Variants in GPN2 observed in about 807,000 individuals in gnomAD.
GPN2 encodes GPN-loop GTPase 2.
A neutral mutation model predicts 30.1 loss-of-function variants in GPN2; 27 were observed. The ratio of observed to expected loss-of-function variants is 0.90; its 90% confidence interval spans 0.66 to 1.24. The LOEUF is 1.24. Among genes scored for constraint, GPN2 ranks in the 50% most tolerant of loss-of-function variants. The pLI is 0.00. For missense variants in GPN2, 406 were observed against 405.4 expected (o/e 1.00, Z -0.01); for synonymous variants, 212 against 174.4 (o/e 1.22, Z -1.70).
intron 4 of GPN2, among the ~76,000 whole-genome samples, chr1:26,880,625 A>G (rs2081859704): frequency 6.6e-6 from 1 of 151,988 alleles, no homozygotes; most frequent in Non-Finnish European, 1.5e-5. Context: ...ATAAATTTTT[A>G]TACTTTAAAA....
intron 4 of GPN2, among the ~76,000 whole-genome samples, chr1:26,880,286 C>T (rs954308597): frequency 1.3e-5 from 2 of 152,156 alleles, no homozygotes; most frequent in South Asian, 4.1e-4. Flanking sequence ...AGCACTTAGC[C>T]CACCAAATGA....
intron 1 of GPN2, among the ~76,000 whole-genome samples, 158 bp downstream of exon 1, chr1:26,889,528 A>G (rs373356603): frequency 6.6e-6 from 1 of 152,196 alleles, no homozygotes; most frequent in Non-Finnish European, 1.5e-5. Flanking sequence ...TCAACACCAC[A>G]CAGCCAGTCA....
At chr1:26,883,119 A>G (rs2081872754) in intron 4 of GPN2, among the ~76,000 whole-genome samples, 1 of 152,176 alleles carries the variant, frequency 6.6e-6, no homozygotes, top group Non-Finnish European at 1.5e-5. Context: ...TGCATTTTCC[A>G]CAATTGCAGG....
Position 26,890,234 on chromosome 1 carries a change from C to T in GPN2, c.-138G>A. 1.4e-6 allele frequency: 1 copy of T among 733,018 alleles called. No homozygotes were observed. The highest frequency in any genetic ancestry group is 2.1e-6 in the Non-Finnish European group (1 of 469,384). 45.4% of individuals were successfully genotyped at this position (733,018 alleles called of 1,614,324 possible). ...GCGTCACTCGCCTCAGGCGGAACAGCTGAGACCGTGTCGCGCAAAAGGAGA... is the reference window on the plus strand; with the variant it reads ...GCGTCACTCGCCTCAGGCGGAACAGTTGAGACCGTGTCGCGCAAAAGGAGA... On this transcript the variant is annotated 5_prime_UTR_variant, in exon 1 of 5. Transcript: ENST00000374135.
chr1:26,879,547 T>C lies in GPN2; in HGVS notation c.*130A>G. 1 of 699,110 alleles carries C rather than the reference T, an allele frequency of 1.4e-6. No individual in the cohort carries two copies. 43.3% of individuals were successfully genotyped at this position (699,110 alleles called of 1,614,324 possible). ...TTTGGCCAGAAGTCCTTTGCAGAGC[T>C]GAATATCCCCTTGCCAGCCCGCCAG... On this transcript the variant is annotated 3_prime_UTR_variant, in exon 5 of 5. Transcript: ENST00000374135.
rs1245676713 is a variant in GPN2 at position 26,889,708 on chromosome 1, T to C, written c.389A>G (p.Gln130Arg). ...CACCCTGAGGTCCCACTGCGCCATT[T>C]GGGAGAAGATGCTGCGCAAGGCGCC... ...HHGALRSIFS[Q>R]MAQWDLRLTA... The change falls in exon 1 of 5, where the codon CAA becomes CGA. Residue 130 changes from glutamine to arginine, a missense_variant. Gln to Arg is a conservative substitution (Grantham distance 43, BLOSUM62 1). Coordinates refer to ENST00000374135, the MANE Select transcript of GPN2 (RefSeq NM_018066.4). 6.3e-7 allele frequency: 1 copy of C among 1,590,002 alleles called. No homozygotes were observed. Among genetic ancestry groups the C allele is most frequent in the East Asian group, 2.2e-5 (1 of 44,520 alleles).
intron 2 of GPN2, 179 bp from the exon 3 acceptor site, chr1:26,886,312 G>A (rs1557656325): frequency 1.6e-6 from 1 of 611,156 alleles, no homozygotes; most frequent in Non-Finnish European, 2.9e-6. Context: ...CTATTTACTA[G>A]CTATATAGGC....
chr1:26,889,862 C>T lies in GPN2; in HGVS notation c.235G>A (p.Gly79Ser). The change falls in exon 1 of 5, where the codon GGC becomes AGC. Residue 79 changes from glycine to serine, a missense_variant. Transcript: ENST00000374135. Reference protein sequence around the residue: ...VMDALRLGPNGGLLYCMEYLE... With the variant: ...VMDALRLGPNSGLLYCMEYLE... ...TACTCCATGCAGTAGAGCAGGCCGC[C>T]GTTGGGCCCCAGGCGCAGCGCGTCC... 1 of 1,612,630 alleles carries T rather than the reference C, an allele frequency of 6.2e-7. No individual in the cohort carries two copies.
At chr1:26,882,182 A>C (rs1432663478) in intron 4 of GPN2, among the ~76,000 whole-genome samples, 1 of 147,634 alleles carries the variant, frequency 6.8e-6, no homozygotes, top group Non-Finnish European at 1.5e-5. Context: ...GCACCATTGC[A>C]CTCCAACTGG....
In GPN2 at chr1:26,879,393, T is replaced by C. The variant is rs1441912895; in HGVS notation, c.*284A>G. On this transcript the variant is annotated 3_prime_UTR_variant, in exon 5 of 5. Transcript: ENST00000374135. ...AAGTCACAAAAAGTAGAAAATAAAC[T>C]CTTGTATTGTAGCACATTTCATCAC... 4 of 404,946 alleles carry C rather than the reference T, an allele frequency of 9.9e-6. No individual in the cohort carries two copies. The allele number at this position is 404,946 out of a possible 1,614,324, so 25.1% of individuals were successfully genotyped here. A position where few individuals can be genotyped will look rare whatever the true frequency, so the allele number is the denominator to read the frequency against.
At chr1:26,889,449 A>G (rs1158545076) in intron 1 of GPN2, among the ~76,000 whole-genome samples, 1 of 152,194 alleles carries the variant, frequency 6.6e-6, no homozygotes, top group Non-Finnish European at 1.5e-5. Context: ...TACTTCCAAA[A>G]TCGCCAAGTT....
chr1:26,888,874 C>T (rs2081904957), intron 2 of GPN2, 95 bp downstream of exon 2: 33 of 1,258,476 alleles, frequency 2.6e-5, no homozygotes, highest in African/African-American at 4.4e-5. Context: ...CACCAGACCA[C>T]GCAAGGCACC....
At chr1:26,881,319 T>C (rs1015119659) in intron 4 of GPN2, among the ~76,000 whole-genome samples, 1 of 152,182 alleles carries the variant, frequency 6.6e-6, no homozygotes, top group African/African-American at 2.4e-5. Flanking sequence ...GTTAGCTGCA[T>C]TTGGGCAAAA....
At chr1:26,886,767 G>A (rs1163936275) in intron 2 of GPN2, among the ~76,000 whole-genome samples, 1 of 151,662 alleles carries the variant, frequency 6.6e-6, no homozygotes. Context: ...GCAGTGAGCC[G>A]AGATCGCGCC....
chr1:26,884,058 A>AT, intron 4 of GPN2, 102 bp downstream of exon 4: 2 of 891,008 alleles, frequency 2.2e-6, no homozygotes, highest in Non-Finnish European at 3.3e-6. Flanking sequence ...AAAAAAAAAA[A>AT]GAAATTGGTC....
chr1:26,889,631 C>T, intron 1 of GPN2, 55 bp downstream of exon 1: 3 of 1,496,624 alleles, frequency 2.0e-6, no homozygotes, highest in Non-Finnish European at 2.7e-6. Flanking sequence ...GGCGTCTGTC[C>T]TCCCTGTCTC....
chr1:26,885,683 C>A (rs2081886938), intron 3 of GPN2, among the ~76,000 whole-genome samples: 1 of 151,612 alleles, frequency 6.6e-6, no homozygotes, highest in African/African-American at 2.4e-5. Context: ...GGGTTCACGC[C>A]ATTCTCCTGC....
chr1:26,883,964 C>T (rs192162241), intron 4 of GPN2, among the ~76,000 whole-genome samples, 196 bp downstream of exon 4: 9 of 147,568 alleles, frequency 6.1e-5, no homozygotes, highest in South Asian at 2.1e-4. Context: ...GGCGTGAACC[C>T]GGGAGGCAGA....
In GPN2 at chr1:26,889,013, T is replaced by A. The variant is rs756104255; in HGVS notation, c.524A>T (p.Asn175Ile). 3 of 1,613,940 alleles carry A rather than the reference T, an allele frequency of 1.9e-6. No homozygotes were observed. The highest frequency in any genetic ancestry group is 2.5e-6 in the Non-Finnish European group (3 of 1,180,008). Residue 175 changes from asparagine to isoleucine, a missense_variant, in exon 2 of 5, where the codon AAC becomes ATC. Coordinates refer to ENST00000374135, the MANE Select transcript of GPN2 (RefSeq NM_018066.4). ...AATGAGGTCCATCTTGGAAAGGAGG[T>A]TGATGTGGGGCAGTTCCACGTGCAG... is the stretch of plus-strand genomic sequence containing the variant. ...TMLHVELPHI[N>I]LLSKMDLIEH...
Sources: gnomAD v4.1 joint callset for allele counts (sites outside exome capture counted in the v4.1 genomes callset) on GRCh38, gnomAD v4.1.1 for gene constraint, MANE v1.5 for transcripts, NCBI Gene and HGNC (gene_info 2026-07-23, HGNC 2026-07-21) for gene names.